Variants in TIAM1 observed in about 807,000 individuals in gnomAD.
TIAM1 encodes rho guanine nucleotide exchange factor TIAM1.
A neutral mutation model predicts 163.5 loss-of-function variants in TIAM1; 65 were observed. The observed-to-expected ratio is 0.40, with a 90% CI of 0.33 to 0.49. The LOEUF (loss-of-function observed/expected upper bound fraction) is 0.49. Among genes scored for constraint, TIAM1 ranks in the 20% least tolerant of loss-of-function variants. The probability of loss-of-function intolerance (pLI) is 0.77; values close to 1 mark genes in which losing one functional copy is unlikely to be tolerated. For missense variants in TIAM1, 1,789 were observed against 2,044.7 expected, an observed-to-expected ratio of 0.87 and a Z score of 2.41; for synonymous variants, 833 against 810.1, an observed-to-expected ratio of 1.03 and a Z score of -0.48.
rs1217928906 is a variant in TIAM1, at chr21:31,339,307, A to C, written c.-253T>G. The C allele has an allele frequency of 2.5e-6, 1 of 398,478 alleles. No homozygotes were observed. The highest frequency in any genetic ancestry group is 3.6e-5 in the East Asian group (1 of 28,088). The allele number at this position is 398,478 out of a possible 1,614,324, so 24.7% of individuals were successfully genotyped here. A position where few individuals can be genotyped will look rare whatever the true frequency, so the allele number is the denominator to read the frequency against. On this transcript the variant is annotated 5_prime_UTR_variant, in exon 2 of 28. It removes an upstream start codon present in the reference 5' UTR. Coordinates refer to ENST00000541036, the MANE Select transcript of TIAM1 (RefSeq NM_001353694.2). ...TGGGCCATCTGCAGGGACTGCTCAC[A>C]TACTAGGTGAGAGACTAGGATTCAG...
At position 31,276,856 on chromosome 21, in the gene TIAM1, C is replaced by T. The variant is rs2146858203; in HGVS notation, c.-136G>A. 1 of 152,304 alleles carries T rather than the reference C, an allele frequency of 6.6e-6. No homozygotes were observed. Among genetic ancestry groups the T allele is most frequent in the East Asian group, 1.9e-4 (1 of 5,174 alleles). 9.4% of individuals were successfully genotyped at this position (152,304 alleles called of 1,614,324 possible). On this transcript the variant is annotated 5_prime_UTR_variant, in exon 3 of 28. Transcript: ENST00000541036. ...GCTGGGGACGATGTCAGCACCTGCC[C>T]CCTGCGGTGGCCATCACAGTTTCAT...
At chr21:31,303,502 C>G (rs915797376) in intron 2 of TIAM1, among the ~76,000 whole-genome samples, 1 of 152,056 alleles carries the variant, frequency 6.6e-6, no homozygotes, top group African/African-American at 2.4e-5. Context: ...AAATTGAATA[C>G]AAAGAATTGG....
intron 1 of TIAM1, among the ~76,000 whole-genome samples, chr21:31,528,490 C>G (rs938711049): frequency 1.3e-5 from 2 of 151,534 alleles, no homozygotes; most frequent in African/African-American, 4.9e-5. Context: ...CATACTCCAG[C>G]CTGGGCAACA....
chr21:31,128,155 C>T (rs2146222832), intron 25 of TIAM1, among the ~76,000 whole-genome samples: 1 of 152,348 alleles, frequency 6.6e-6, no homozygotes, highest in Middle Eastern at 3.4e-3. Flanking sequence ...ACCCTGGTCA[C>T]AAACCCTCAC....
intron 2 of TIAM1, among the ~76,000 whole-genome samples, chr21:31,437,948 T>C (rs1333981406): frequency 6.6e-6 from 1 of 152,168 alleles, no homozygotes; most frequent in East Asian, 1.9e-4. Context: ...CATTTCTTTC[T>C]TTTTGGACAG....
At position 31,315,343 on chromosome 21, in the gene TIAM1, T is replaced by C. The variant is rs183484745; in HGVS notation, c.-189+23900A>G. Among the ~76,000 whole-genome samples, 264 of 151,778 alleles carry C rather than the reference T, an allele frequency of 1.7e-3. 1 individual carries two copies. The highest frequency in any genetic ancestry group is 6.0e-3 in the African/African-American group (250 of 41,366). On this transcript the variant is annotated intron_variant, in intron 2 of 27. Coordinates refer to ENST00000541036, the MANE Select transcript of TIAM1 (RefSeq NM_001353694.2). ...TCCTGGCTAACACGGTGAAACCCCT[T>C]CTCTACTAAAAATACAAAAAAATTA...
chr21:31,380,172 A>G (rs770936407), intron 2 of TIAM1, among the ~76,000 whole-genome samples: 2 of 152,134 alleles, frequency 1.3e-5, no homozygotes, highest in Non-Finnish European at 2.9e-5. Flanking sequence ...GCTGGGCATG[A>G]GAATCGCTTG....
chr21:31,345,400 T>A (rs1392298124), upstream of TIAM1, among the ~76,000 whole-genome samples: 1 of 151,544 alleles, frequency 6.6e-6, no homozygotes, highest in Non-Finnish European at 1.5e-5. Context: ...AAGGGAACTT[T>A]CAGAAACATT....
chr21:31,325,216 G>A (rs2075445944), intron 2 of TIAM1, among the ~76,000 whole-genome samples: 1 of 151,996 alleles, frequency 6.6e-6, no homozygotes, highest in Admixed American at 6.6e-5. Context: ...CCTAGGAGGT[G>A]GAGGTGCGGT....
intron 1 of TIAM1, among the ~76,000 whole-genome samples, chr21:31,482,687 C>T (rs1042532244): frequency 3.9e-5 from 6 of 152,124 alleles, no homozygotes; most frequent in South Asian, 4.1e-4. Flanking sequence ...TGCAAGCTGA[C>T]GCTCAGGACA....
chr21:31,410,342 G>A (rs1412092444), intron 2 of TIAM1, among the ~76,000 whole-genome samples: 6 of 151,478 alleles, frequency 4.0e-5, no homozygotes, highest in African/African-American at 1.5e-4. Context: ...GAGACTGCGA[G>A]TGTGTGTGTG....
At chr21:31,263,663 G>C (rs1259418039) in intron 4 of TIAM1, among the ~76,000 whole-genome samples, 2 of 152,106 alleles carry the variant, frequency 1.3e-5, no homozygotes, top group South Asian at 2.1e-4. Context: ...GAACCACAGA[G>C]AGCCAAAATA....
intron 3 of TIAM1, among the ~76,000 whole-genome samples, chr21:31,270,564 T>C (rs932065319): frequency 7.9e-5 from 12 of 152,234 alleles, no homozygotes; most frequent in Non-Finnish European, 1.6e-4. Context: ...CAACTCTCCA[T>C]ATTCAAACCT....
intron 1 of TIAM1, among the ~76,000 whole-genome samples, chr21:31,489,574 C>G (rs1047168904): frequency 2.8e-5 from 1 of 36,292 alleles, no homozygotes; most frequent in Non-Finnish European, 5.2e-5. Context: ...AGTGCAGACC[C>G]CCCCCCCCTT....
chr21:31,232,268 T>C (rs182253525), intron 6 of TIAM1, among the ~76,000 whole-genome samples: 1 of 152,212 alleles, frequency 6.6e-6, no homozygotes, highest in Non-Finnish European at 1.5e-5. Flanking sequence ...CTATTAAGTA[T>C]GCCTCAGCCC....
chr21:31,465,587 T>TG (rs929436337), intron 1 of TIAM1, among the ~76,000 whole-genome samples: 1 of 151,654 alleles, frequency 6.6e-6, no homozygotes. Context: ...TTTTTTTTTT[T>TG]TGAGACGGAG....
chr21:31,493,777 G>A (rs1288735407), intron 1 of TIAM1, among the ~76,000 whole-genome samples: 2 of 152,190 alleles, frequency 1.3e-5, no homozygotes, highest in African/African-American at 4.8e-5. Flanking sequence ...GAAGGGACCA[G>A]CTGGTGGCGT....
At chr21:31,225,682 G>A in intron 7 of TIAM1, 44 bp downstream of exon 7, 1 of 1,461,130 alleles carries the variant, frequency 6.8e-7, no homozygotes, top group Admixed American at 1.8e-5. Context: ...CCCTTTTAGA[G>A]ACCTAACAAT....
chr21:31,234,878 A>G (rs886856392), intron 6 of TIAM1, among the ~76,000 whole-genome samples: 1 of 152,210 alleles, frequency 6.6e-6, no homozygotes, highest in African/African-American at 2.4e-5. Flanking sequence ...AAAGAGAAAA[A>G]AAGAAAATAA....
Sources: gnomAD v4.1 joint callset for allele counts (sites outside exome capture counted in the v4.1 genomes callset) on GRCh38, gnomAD v4.1.1 for gene constraint, MANE v1.5 for transcripts, NCBI Gene and HGNC (gene_info 2026-07-23, HGNC 2026-07-21) for gene names.